The following GRB2 variants were observed in gnomAD, a reference collection of about 807,000 sequenced individuals.
GRB2 encodes growth factor receptor bound protein 2, also known as growth factor receptor-bound protein 2.
A neutral mutation model predicts 27.4 loss-of-function variants in GRB2; 2 were observed. The observed-to-expected ratio is 0.07, with a 90% CI of 0.03 to 0.23. GRB2 has a LOEUF of 0.23. Among genes scored for constraint, GRB2 ranks in the 10% least tolerant of loss-of-function variants. GRB2 has a pLI of 1.00. For missense variants in GRB2, 102 were observed against 282.4 expected, an observed-to-expected ratio of 0.36 and a Z score of 4.58; for synonymous variants, 94 against 99.6, an observed-to-expected ratio of 0.94 and a Z score of 0.33.
At chr17:75,373,661 G>A (rs2078870434) in intron 2 of GRB2, 1 of 152,066 alleles carries the variant, frequency 6.6e-6, no homozygotes, top group Non-Finnish European at 1.5e-5. Flanking sequence ...CACATCTTTA[G>A]CAAAGCTCTT....
chr17:75,393,003 A>T (rs1211946776), intron 2 of GRB2, among the ~76,000 whole-genome samples: 3 of 152,238 alleles, frequency 2.0e-5, no homozygotes, highest in African/African-American at 7.2e-5. Context: ...CTTATTATTT[A>T]GAACTCCATT....
At chr17:75,367,589 T>C (rs2145852459) in intron 2 of GRB2, among the ~76,000 whole-genome samples, 1 of 152,350 alleles carries the variant, frequency 6.6e-6, no homozygotes, top group Non-Finnish European at 1.5e-5. Context: ...GAAATATGCA[T>C]AAAGAAGTTA....
intron 2 of GRB2, among the ~76,000 whole-genome samples, chr17:75,353,101 C>T (rs1429277796): frequency 6.7e-6 from 1 of 149,912 alleles, no homozygotes; most frequent in Non-Finnish European, 1.5e-5. Flanking sequence ...AGGAGAATGG[C>T]GTGAACCCGG....
chr17:75,321,457 G>C (rs1175073274), intron 5 of GRB2, among the ~76,000 whole-genome samples: 1 of 152,108 alleles, frequency 6.6e-6, no homozygotes, highest in Admixed American at 6.6e-5. Flanking sequence ...GATTATAGGT[G>C]TGAGCTACTA....
chr17:75,338,843 A>C, intron 2 of GRB2: 2 of 768,556 alleles, frequency 2.6e-6, no homozygotes, highest in Admixed American at 3.4e-5. Context: ...AACTTTCCTA[A>C]AATTCACTGG....
intron 2 of GRB2, among the ~76,000 whole-genome samples, chr17:75,383,070 TAGAG>T (rs1325735411): frequency 4.0e-5 from 6 of 151,870 alleles, no homozygotes; most frequent in Non-Finnish European, 8.8e-5. Context: ...TTATTGAGAC[TAGAG>T]AGAATGTTTA....
chr17:75,351,405 T>C (rs916115224), intron 2 of GRB2, among the ~76,000 whole-genome samples: 1 of 151,998 alleles, frequency 6.6e-6, no homozygotes, highest in Non-Finnish European at 1.5e-5. Flanking sequence ...ATCTAGCACT[T>C]TGAGAGGCTG....
intron 2 of GRB2, among the ~76,000 whole-genome samples, chr17:75,334,423 G>A (rs1026851274): frequency 1.9e-4 from 29 of 152,038 alleles, no homozygotes; most frequent in Non-Finnish European, 3.4e-4. Context: ...CACCCGACTC[G>A]GCCTCCCAAA....
At chr17:75,339,169 T>G in intron 2 of GRB2, 1 of 1,036,624 alleles carries the variant, frequency 9.6e-7, no homozygotes, top group Non-Finnish European at 1.5e-6. Flanking sequence ...TGTTTTATTA[T>G]GAAGACAATA....
chr17:75,336,529 C>A (rs1258059790), intron 2 of GRB2, among the ~76,000 whole-genome samples: 2 of 152,138 alleles, frequency 1.3e-5, no homozygotes, highest in Non-Finnish European at 2.9e-5. Flanking sequence ...TAGAGCTACA[C>A]TCTCTTCTTG....
rs370054420 is a variant in GRB2, at chr17:75,393,505, G to A, written c.78+46C>T. ...AATCAGGGCGAAAGAAGGTGGGTGAGCACAGGGAGAGCGATCTCAGCATTG... is the reference window on the plus strand; with the variant it reads ...AATCAGGGCGAAAGAAGGTGGGTGAACACAGGGAGAGCGATCTCAGCATTG... On this transcript the variant is annotated intron_variant, in intron 2 of 5. Coordinates refer to ENST00000316804, the MANE Select transcript of GRB2 (RefSeq NM_002086.5). 2.8e-6 allele frequency: 4 copies of A among 1,451,118 alleles called. No homozygotes were observed. In the African/African-American group the frequency reaches 5.6e-5, roughly 20 times the overall value. 89.9% of individuals were successfully genotyped at this position (1,451,118 alleles called of 1,614,324 possible).
chr17:75,337,623 T>C (rs1032870823), intron 2 of GRB2, among the ~76,000 whole-genome samples: 8 of 149,116 alleles, frequency 5.4e-5, no homozygotes, highest in African/African-American at 7.4e-5. Flanking sequence ...CAGGCTGGAG[T>C]GCAGTGGCAC....
chr17:75,388,200 G>T (rs1294305944), intron 2 of GRB2, among the ~76,000 whole-genome samples: 1 of 151,940 alleles, frequency 6.6e-6, no homozygotes, highest in Non-Finnish European at 1.5e-5. Flanking sequence ...GGGTTCAAGC[G>T]ATTCTCCTCC....
At chr17:75,382,201 G>A (rs2078933378) in intron 2 of GRB2, among the ~76,000 whole-genome samples, 1 of 138,874 alleles carries the variant, frequency 7.2e-6, no homozygotes, top group African/African-American at 2.7e-5. Context: ...CCAGCCTGAT[G>A]ACAGAGCAAG....
chr17:75,341,157 C>T (rs954470919), intron 2 of GRB2, among the ~76,000 whole-genome samples: 3 of 152,040 alleles, frequency 2.0e-5, no homozygotes, highest in Non-Finnish European at 1.5e-5. Context: ...CCTGGCTGGG[C>T]GCAGTGCCTC....
chr17:75,337,898 C>CTAT (rs1187281414), intron 2 of GRB2, among the ~76,000 whole-genome samples: 4,298 of 132,922 alleles, frequency 0.032, 74 homozygotes, highest in Middle Eastern at 0.089. Flanking sequence ...ACTACTACTA[C>CTAT]TACTATTATT....
chr17:75,348,322 G>A (rs1449241419), intron 2 of GRB2, among the ~76,000 whole-genome samples: 1 of 152,060 alleles, frequency 6.6e-6, no homozygotes, highest in Non-Finnish European at 1.5e-5. Context: ...CTGGGCTATA[G>A]GCATGAGCCA....
At chr17:75,324,517 T>TGTTTTG (rs2078484251) in intron 4 of GRB2, among the ~76,000 whole-genome samples, 1 of 76,076 alleles carries the variant, frequency 1.3e-5, no homozygotes, top group African/African-American at 4.1e-5. Context: ...GTTTTTTTTT[T>TGTTTTG]TTTTTTTTTT....
intron 2 of GRB2, among the ~76,000 whole-genome samples, chr17:75,350,426 C>G (rs1370642974): frequency 6.6e-6 from 1 of 152,186 alleles, no homozygotes; most frequent in East Asian, 1.9e-4. Context: ...TGTATGAAAG[C>G]ACATCTTGGG....
Sources: gnomAD v4.1 joint callset for allele counts (sites outside exome capture counted in the v4.1 genomes callset) on GRCh38, gnomAD v4.1.1 for gene constraint, MANE v1.5 for transcripts, NCBI Gene and HGNC (gene_info 2026-07-23, HGNC 2026-07-21) for gene names.